The following CHMP4C variants were observed in gnomAD, a reference collection of about 807,000 sequenced individuals.
CHMP4C encodes SNF7 homolog associated with Alix 3.
A neutral mutation model predicts 29.0 loss-of-function variants in CHMP4C; 28 were observed. The ratio of observed to expected loss-of-function variants is 0.97; its 90% CI spans 0.72 to 1.32. CHMP4C has a LOEUF of 1.32. CHMP4C is among the 40% of genes most tolerant of loss of function. CHMP4C has a pLI of 0.00. For missense variants in CHMP4C, 291 were observed against 281.0 expected, an observed-to-expected ratio of 1.04 and a Z score of -0.25; for synonymous variants, 106 against 102.4, an observed-to-expected ratio of 1.04 and a Z score of -0.21.
rs886875265 is a variant in CHMP4C, at chr8:81,759,237, T to G, written c.*693T>G. ...CTTTAATTGACATTTATTATACCAA[T>G]TAAGCTTGGAATGGGGCAATGGATG... On this transcript the variant is annotated 3_prime_UTR_variant, in exon 5 of 5. Transcript: ENST00000297265. 2 of 152,564 alleles carry G rather than the reference T, an allele frequency of 1.3e-5. No individual in the cohort carries two copies. The highest frequency in any genetic ancestry group is 2.9e-5 in the Non-Finnish European group (2 of 68,034). The allele number at this position is 152,564 out of a possible 1,614,324, so 9.5% of individuals were successfully genotyped here.
Position 81,753,201 on chromosome 8 carries a change from G to A in CHMP4C, c.328G>A (p.Gly110Ser). 1.2e-6 allele frequency: 2 copies of A among 1,608,302 alleles called. No homozygotes were observed. The highest frequency in any genetic ancestry group is 1.7e-6 in the Non-Finnish European group (2 of 1,177,440). ...HTNTEVLRNM[G>S]FAAKAMKSVH... is the part of the protein sequence containing the mutation. ...CAACACTGAGGTGTTGAGGAACATG[G>A]GCTTTGCAGCAAAAGCGATGAAATC... The change falls in exon 2 of 5, where the codon GGC (glycine) becomes AGC (serine). Residue 110 changes from glycine to serine, a missense_variant. Coordinates refer to ENST00000297265, the MANE Select transcript of CHMP4C (RefSeq NM_152284.4).
chr8:81,739,956 C>T (rs1244819082), intron 1 of CHMP4C, among the ~76,000 whole-genome samples: 2 of 152,212 alleles, frequency 1.3e-5, no homozygotes, highest in African/African-American at 4.8e-5. Flanking sequence ...TAGTATTTGA[C>T]ATTTATTTCT....
At chr8:81,739,274 A>G (rs567874299) in intron 1 of CHMP4C, among the ~76,000 whole-genome samples, 3 of 150,256 alleles carry the variant, frequency 2.0e-5, no homozygotes, top group African/African-American at 7.3e-5. Flanking sequence ...TTTTTTTTTA[A>G]TTTTTAGTAA....
chr8:81,742,692 T>C (rs1037902537), intron 1 of CHMP4C, among the ~76,000 whole-genome samples: 26 of 152,150 alleles, frequency 1.7e-4, no homozygotes, highest in African/African-American at 6.0e-4. Flanking sequence ...TTATCATTTC[T>C]TTCCATATAT....
intron 1 of CHMP4C, among the ~76,000 whole-genome samples, chr8:81,739,789 G>C (rs1021838039): frequency 1.1e-4 from 16 of 152,154 alleles, no homozygotes; most frequent in Non-Finnish European, 2.1e-4. Flanking sequence ...GCCTGGGCTT[G>C]TTATTTATTT....
chr8:81,747,970 G>T (rs149222190), intron 1 of CHMP4C, among the ~76,000 whole-genome samples: 8 of 152,054 alleles, frequency 5.3e-5, no homozygotes, highest in Admixed American at 3.3e-4. Flanking sequence ...GCCTGGGAGC[G>T]CTATGGGAGA....
chr8:81,740,847 G>T (rs1189462704), intron 1 of CHMP4C, among the ~76,000 whole-genome samples: 2 of 152,178 alleles, frequency 1.3e-5, no homozygotes, highest in Non-Finnish European at 2.9e-5. Flanking sequence ...CTGGAATAAG[G>T]TTCAGGATCT....
At chr8:81,733,843 C>T (rs1013701268) in intron 1 of CHMP4C, among the ~76,000 whole-genome samples, 11 of 152,148 alleles carry the variant, frequency 7.2e-5, no homozygotes. Flanking sequence ...CATTTGCACC[C>T]TCAAGTTGGG....
chr8:81,734,454 CCGAGTCGCTGGGA>C (rs539524166), intron 1 of CHMP4C, among the ~76,000 whole-genome samples: 6,616 of 152,244 alleles, frequency 0.043, 161 homozygotes, highest in South Asian at 0.083. Flanking sequence ...CCTCAGCCTC[CCGAGTCGCTGGGA>C]TTACAGGCAT....
intron 4 of CHMP4C, 68 bp downstream of exon 4, chr8:81,758,363 T>A: frequency 6.3e-7 from 1 of 1,588,390 alleles, no homozygotes; most frequent in East Asian, 2.2e-5. Flanking sequence ...CCCATTCTTT[T>A]TAGCACATGT....
In CHMP4C at chr8:81,732,722, T is replaced by C. The variant is rs747349854; in HGVS notation, c.96T>C (p.Thr32=). 1 of 1,604,034 alleles carries C rather than the reference T, an allele frequency of 6.2e-7. No individual in the cohort carries two copies. Among genetic ancestry groups the C allele is most frequent in the South Asian group, 1.1e-5 (1 of 88,994 alleles). ...PQEALVRLRE[T]EEMLGKKQEY... ...AGGCCCTGGTCCGACTTCGGGAGAC[T>C]GAGGAGATGCTGGGCAAGAAACAAG... is the stretch of plus-strand genomic sequence containing the variant. The change falls in exon 1 of 5, where the codon ACT becomes ACC. Residue 32 remains threonine (T), a synonymous_variant. Coordinates refer to ENST00000297265, the MANE Select transcript of CHMP4C (RefSeq NM_152284.4).
At chr8:81,738,932 T>C (rs1808725610) in intron 1 of CHMP4C, among the ~76,000 whole-genome samples, 1 of 152,202 alleles carries the variant, frequency 6.6e-6, no homozygotes, top group African/African-American at 2.4e-5. Flanking sequence ...TGAGAATTTA[T>C]GAAGTATTAT....
intron 2 of CHMP4C, among the ~76,000 whole-genome samples, 159 bp from the exon 3 acceptor site, chr8:81,755,211 A>G (rs1010392921): frequency 3.9e-5 from 6 of 152,186 alleles, no homozygotes; most frequent in Non-Finnish European, 7.4e-5. Context: ...TTTAAAATAT[A>G]AGTTATCTTT....
At chr8:81,735,772 AC>A (rs1808680585) in intron 1 of CHMP4C, among the ~76,000 whole-genome samples, 1 of 152,122 alleles carries the variant, frequency 6.6e-6, no homozygotes, top group South Asian at 2.1e-4. Context: ...AAAATGAAAA[AC>A]TTTTAATTAG....
At chr8:81,755,713 A>G (rs1808964384) in intron 3 of CHMP4C, among the ~76,000 whole-genome samples, 1 of 152,236 alleles carries the variant, frequency 6.6e-6, no homozygotes, top group Non-Finnish European at 1.5e-5. Context: ...AGGAAAGAAC[A>G]GCATGTGATT....
chr8:81,758,050 C>T, intron 3 of CHMP4C, 92 bp from the exon 4 acceptor site: 2 of 1,156,092 alleles, frequency 1.7e-6, no homozygotes, highest in Non-Finnish European at 2.5e-6. Flanking sequence ...TCTCACATAT[C>T]AATTGGGTAG....
chr8:81,741,791 A>G (rs745434495), intron 1 of CHMP4C, among the ~76,000 whole-genome samples: 2 of 152,164 alleles, frequency 1.3e-5, no homozygotes, highest in East Asian at 1.9e-4. Flanking sequence ...CTAGTTTCAT[A>G]CTTTTCATGC....
chr8:81,746,720 A>AG (rs1467263057), intron 1 of CHMP4C, among the ~76,000 whole-genome samples: 1 of 152,172 alleles, frequency 6.6e-6, no homozygotes, highest in Non-Finnish European at 1.5e-5. Flanking sequence ...AATTTTAAAA[A>AG]ATTTCCCAAA....
intron 1 of CHMP4C, among the ~76,000 whole-genome samples, chr8:81,746,097 G>A (rs143985838): frequency 6.6e-6 from 1 of 152,248 alleles, no homozygotes; most frequent in Non-Finnish European, 1.5e-5. Flanking sequence ...CTCACTGAGA[G>A]ACTCACATAC....
Sources: allele counts gnomAD v4.1 joint callset (sites outside exome capture counted in the v4.1 genomes callset), GRCh38; gene constraint gnomAD v4.1.1; transcripts MANE v1.5; gene names NCBI Gene and HGNC (gene_info 2026-07-23, HGNC 2026-07-21).